The following MST1R variants were observed in gnomAD, a reference collection of about 807,000 sequenced individuals.
MST1R encodes macrophage stimulating 1 receptor.
Under a neutral mutation model 117.8 loss-of-function variants are expected in MST1R, and 99 were observed. That is an observed-to-expected ratio of 0.84 (90% CI 0.71 to 0.99). The LOEUF (loss-of-function observed/expected upper bound fraction) is 0.99. Among genes scored for constraint, MST1R ranks in the 50% least tolerant of loss-of-function variants. The probability of loss-of-function intolerance (pLI) is 0.00; values close to 1 mark genes in which losing one functional copy is unlikely to be tolerated. For synonymous variants in MST1R, 734 were observed against 765.3 expected (o/e 0.96, Z 0.68); for missense variants, 1,683 against 1,840.2 (o/e 0.91, Z 1.56).
chr3:49,901,732 G>A (rs2082683120), intron 1 of MST1R, among the ~76,000 whole-genome samples: 1 of 150,976 alleles, frequency 6.6e-6, no homozygotes, highest in Non-Finnish European at 1.5e-5. Flanking sequence ...AGGCCCAGGA[G>A]GCTCCCTGGA....
At chr3:49,891,627 A>G (rs1559469155) in intron 15 of MST1R, 47 bp from the exon 16 acceptor site, 3 of 1,611,400 alleles carry the variant, frequency 1.9e-6, no homozygotes, top group Non-Finnish European at 2.5e-6. Context: ...TCCCTTTATA[A>G]GGCTCAGATG....
rs2108349466 is a variant in MST1R at position 49,887,342 on chromosome 3, G to A, written c.4168C>T (p.Pro1390Ser). The change falls in exon 20 of 20, where the codon CCC (proline) becomes TCC (serine). Residue 1390 changes from proline to serine, a missense_variant. Pro to Ser is a moderately conservative substitution (Grantham distance 74). Coordinates refer to ENST00000296474, the MANE Select transcript of MST1R (RefSeq NM_002447.4). ...FSPMPGNVRR[P>S]RPLSEPPRPT is the part of the protein sequence containing the mutation. ...CGAGGAGGCTCTGAGAGTGGCCGGG[G>A]CCGGCGTACATTCCCTGGCATGGGT... The A allele has an allele frequency of 6.2e-7, 1 of 1,614,254 alleles. No individual in the cohort carries two copies. The highest frequency in any genetic ancestry group is 8.5e-7 in the Non-Finnish European group (1 of 1,180,048).
chr3:49,901,923 G>A (rs1355293835), intron 1 of MST1R, among the ~76,000 whole-genome samples: 2 of 147,326 alleles, frequency 1.4e-5, no homozygotes, highest in African/African-American at 2.5e-5. Flanking sequence ...GTATTTGTGC[G>A]TGGTGGTGGT....
At position 49,887,470 on chromosome 3, in the gene MST1R, G is replaced by A; in HGVS notation, c.4040C>T (p.Ala1347Val). 6.2e-7 allele frequency: 1 copy of A among 1,614,226 alleles called. No individual in the cohort carries two copies. The highest frequency in any genetic ancestry group is 1.1e-5 in the South Asian group (1 of 91,092). Residue 1347 changes from alanine to valine, a missense_variant, in exon 20 of 20, where the codon GCA becomes GTA. Coordinates refer to ENST00000296474, the MANE Select transcript of MST1R (RefSeq NM_002447.4). Reference protein sequence around the residue: ...LVGEVEQIVSALLGDHYVQLP... With the variant: ...LVGEVEQIVSVLLGDHYVQLP... ...CTGCACATAATGGTCCCCAAGCAGT[G>A]CAGACACTATCTGCTCCACCTCCCC...
At chr3:49,888,946 C>A (rs905872445) in intron 19 of MST1R, among the ~76,000 whole-genome samples, 3 of 152,220 alleles carry the variant, frequency 2.0e-5, no homozygotes, top group Non-Finnish European at 4.4e-5. Flanking sequence ...TGGTTCTTGA[C>A]TGAGGCTCTC....
chr3:49,897,036 C>A, intron 7 of MST1R, 146 bp from the exon 8 acceptor site: 1 of 1,208,188 alleles, frequency 8.3e-7, no homozygotes. Flanking sequence ...TAAGGTGGTC[C>A]CAGGAAGACA....
chr3:49,887,055 G>A lies in MST1R; in HGVS notation c.*252C>T, dbSNP rs2082186704. The A allele has an allele frequency of 6.9e-6, 4 of 582,304 alleles. No individual in the cohort carries two copies. The highest frequency in any genetic ancestry group is 2.9e-5 in the East Asian group (1 of 35,028). 36.1% of individuals were successfully genotyped at this position (582,304 alleles called of 1,614,324 possible). On this transcript the variant is annotated 3_prime_UTR_variant, in exon 20 of 20. Transcript: ENST00000296474. Reference sequence around the variant, plus strand: ...TATTGGTTCAAGGGTCAGTGTTGGTGTGGTCACTGCTGAGTCCACTGTGCC... The same window carrying A: ...TATTGGTTCAAGGGTCAGTGTTGGTATGGTCACTGCTGAGTCCACTGTGCC...
At chr3:49,901,856 A>G (rs1291358392) in intron 1 of MST1R, among the ~76,000 whole-genome samples, 2 of 150,186 alleles carry the variant, frequency 1.3e-5, no homozygotes, top group East Asian at 4.0e-4. Flanking sequence ...AAAACAAGGG[A>G]AAGTGAAACT....
chr3:49,895,522 C>T lies in MST1R; in HGVS notation c.2989G>A (p.Ala997Thr). The T allele has an allele frequency of 6.2e-7, 1 of 1,614,098 alleles. No homozygotes were observed. Among genetic ancestry groups the T allele is most frequent in the Non-Finnish European group, 8.5e-7 (1 of 1,180,006 alleles). The change falls in exon 13 of 20, where the codon GCA becomes ACA. Residue 997 changes from alanine (A) to threonine (T), a missense_variant. Physicochemically the swap from Ala to Thr is moderately conservative, Grantham distance 58 (BLOSUM62 0). Transcript: ENST00000296474. ...GCTCCAGCAGTCTGGTCCAGGGATG[C>T]CAGGTCATTCAGGTTGGGAGGAAGA... ...LVLPPNLNDL[A>T]SLDQTAGATP...
chr3:49,890,882 C>T (rs778003574), intron 17 of MST1R, among the ~76,000 whole-genome samples: 14 of 152,194 alleles, frequency 9.2e-5, no homozygotes, highest in Non-Finnish European at 1.3e-4. Flanking sequence ...CCCGCCACCA[C>T]GCCTGGCTAA....
rs146343152 is a variant in MST1R, at chr3:49,898,212, C to G, written c.1720-1G>C. ...TTAGAGGTCCACTGTGGGGGTGGAA[C>G]TGAAATGGGGGAAACAGCCTGAGTC... On this transcript the variant is annotated splice_acceptor_variant, in intron 4 of 19. Coordinates refer to ENST00000296474, the MANE Select transcript of MST1R (RefSeq NM_002447.4). LOFTEE classifies it high-confidence loss of function. 2.5e-5 allele frequency: 41 copies of G among 1,613,482 alleles called. No homozygotes were observed. The highest frequency in any genetic ancestry group is 2.4e-4 in the African/African-American group (18 of 74,906).
intron 1 of MST1R, 109 bp from the exon 2 acceptor site, chr3:49,899,372 C>A: frequency 2.4e-6 from 3 of 1,235,270 alleles, no homozygotes; most frequent in South Asian, 1.4e-5. Context: ...CCTCACCTGG[C>A]CTGACTGGAG....
Position 49,891,381 on chromosome 3 carries a change from A to G in MST1R, c.3534+18T>C. 1 of 1,613,730 alleles carries G rather than the reference A, an allele frequency of 6.2e-7. No homozygotes were observed. Among genetic ancestry groups the G allele is most frequent in the African/African-American group, 1.3e-5 (1 of 75,060 alleles). ...AGCTGCTGCCCAGCCCCCAACCCAG[A>G]GCCAGATGAACACTGACCCGCTGAG... On this transcript the variant is annotated intron_variant, in intron 16 of 19. Transcript: ENST00000296474.
chr3:49,898,651 TGGC>T lies in MST1R; in HGVS notation c.1583_1585del (p.Arg528del), dbSNP rs2082563262. On this transcript the variant is annotated inframe_deletion, in exon 4 of 20. Transcript: ENST00000296474. ...TAGGCAACGCCCACAGGTCAGGAAG[TGGC>T]GGCAGCCAGGGCCTTGGATAGGTAC... 6.2e-7 allele frequency: 1 copy of T among 1,614,136 alleles called. No homozygotes were observed. The highest frequency in any genetic ancestry group is 2.2e-5 in the East Asian group (1 of 44,880).
chr3:49,887,356 C>A lies in MST1R; in HGVS notation c.4154G>T (p.Gly1385Val), dbSNP rs137882771. ...GAGTGGCCGGGGCCGGCGTACATTCCCTGGCATGGGTGAGAACTGCGGCTG... is the reference window on the plus strand; with the variant it reads ...GAGTGGCCGGGGCCGGCGTACATTCACTGGCATGGGTGAGAACTGCGGCTG... ...PEQPQFSPMPGNVRRPRPLSE... is the reference protein window; with the variant it reads ...PEQPQFSPMPVNVRRPRPLSE... Residue 1385 changes from glycine (G) to valine (V), a missense_variant, in exon 20 of 20, where the codon GGG (glycine) becomes GTG (valine). Gly to Val is a moderately radical substitution (Grantham distance 109). Transcript: ENST00000296474. 1.6e-3 allele frequency: 2,532 copies of A among 1,614,236 alleles called. 3 individuals carry two copies. Among genetic ancestry groups the A allele is most frequent in the Non-Finnish European group, 2.1e-3 (2,435 of 1,180,042 alleles).
At chr3:49,898,359 A>C in intron 4 of MST1R, 148 bp from the exon 5 acceptor site, 1 of 1,383,822 alleles carries the variant, frequency 7.2e-7, no homozygotes, top group East Asian at 2.3e-5. Context: ...TCCTGCCTCC[A>C]AGTCTTTGCA....
At chr3:49,890,443 G>C (rs1421103413) in intron 18 of MST1R, 42 bp downstream of exon 18, 2 of 1,579,546 alleles carry the variant, frequency 1.3e-6, no homozygotes, top group Non-Finnish European at 1.7e-6. Context: ...AGTGTTCTTG[G>C]GTGCCAAAGC....
chr3:49,897,561 G>A lies in MST1R; in HGVS notation c.2005C>T (p.Arg669Trp), dbSNP rs771121262. ...CTCAGCACGGAGGTGCCGTCTACCCGGAAGTGCTTGCCCGGTGGCATGTTA... is the reference window on the plus strand; with the variant it reads ...CTCAGCACGGAGGTGCCGTCTACCCAGAAGTGCTTGCCCGGTGGCATGTTA... ...VTNMPPGKHF[R>W]VDGTSVLRGF... Residue 669 changes from arginine (R) to tryptophan (W), a missense_variant, in exon 6 of 20, where the codon CGG becomes TGG. Transcript: ENST00000296474. 38 of 1,613,960 alleles carry A rather than the reference G, an allele frequency of 2.4e-5. No homozygotes were observed. The highest frequency in any genetic ancestry group is 3.3e-5 in the Admixed American group (2 of 60,008).
chr3:49,899,500 T>C (rs940012513), intron 1 of MST1R: 2 of 369,256 alleles, frequency 5.4e-6, no homozygotes, highest in African/African-American at 4.5e-5. Context: ...TGCCCCACCC[T>C]GCCATGCCCA....
Sources: gnomAD v4.1 joint callset for allele counts (sites outside exome capture counted in the v4.1 genomes callset) on GRCh38, gnomAD v4.1.1 for gene constraint, MANE v1.5 for transcripts, NCBI Gene and HGNC (gene_info 2026-07-23, HGNC 2026-07-21) for gene names.